Variants in MAB21L3 observed in about 807,000 individuals in gnomAD.
MAB21L3 encodes protein mab-21-like 3.
A neutral mutation model predicts 37.7 loss-of-function variants in MAB21L3; 36 were observed. That is an observed-to-expected ratio of 0.96 (90% confidence interval 0.73 to 1.26). MAB21L3 has a LOEUF of 1.26. Ranked by LOEUF, MAB21L3 falls within the 50% of genes most tolerant of loss-of-function variation. The pLI is 0.00. For missense variants in MAB21L3, 430 were observed against 447.3 expected (o/e 0.96, Z 0.35); for synonymous variants, 186 against 176.8 (o/e 1.05, Z -0.41).
chr1:116,127,580 A>G lies in MAB21L3; in HGVS notation c.596A>G (p.Lys199Arg), dbSNP rs769109111. Residue 199 changes from lysine (K) to arginine (R), a missense_variant, in exon 6 of 8, where the codon AAG becomes AGG. Physicochemically the swap from Lys to Arg is conservative, Grantham distance 26. Transcript: ENST00000369500. ...GTGGAGATCCCCACCACCTGGTCCAAGAAAGCCCGGTGGCCTCGATGTCTG... is the reference window on the plus strand; with the variant it reads ...GTGGAGATCCCCACCACCTGGTCCAGGAAAGCCCGGTGGCCTCGATGTCTG... ...PAVEIPTTWS[K>R]KARWPRCLQR... The G allele has an allele frequency of 3.1e-6, 5 of 1,614,180 alleles. No individual in the cohort carries two copies. In the South Asian group the frequency reaches 5.5e-5, roughly 18 times the overall value.
At chr1:116,121,158 C>T (rs1570805736) in intron 4 of MAB21L3, 86 bp downstream of exon 4, 2 of 1,317,242 alleles carry the variant, frequency 1.5e-6, no homozygotes, top group Admixed American at 2.0e-5. Flanking sequence ...AGATGCTTGC[C>T]TCACTCAGAA....
chr1:116,119,248 C>T (rs943690559), intron 3 of MAB21L3, among the ~76,000 whole-genome samples: 6 of 152,176 alleles, frequency 3.9e-5, no homozygotes, highest in Admixed American at 2.0e-4. Context: ...TGCTGTGTTC[C>T]AGCATGTAAC....
At chr1:116,115,432 G>C (rs1557927286) in intron 3 of MAB21L3, among the ~76,000 whole-genome samples, 1 of 152,298 alleles carries the variant, frequency 6.6e-6, no homozygotes, top group South Asian at 2.1e-4. Context: ...AGACAGAGAT[G>C]ATGCCAGTTT....
In MAB21L3 at chr1:116,120,957, C is replaced by T. The variant is rs1659731310; in HGVS notation, c.74C>T (p.Ser25Phe). 1 of 1,614,160 alleles carries T rather than the reference C, an allele frequency of 6.2e-7. No homozygotes were observed. Among genetic ancestry groups the T allele is most frequent in the African/African-American group, 1.3e-5 (1 of 75,054 alleles). Reference sequence around the variant, plus strand: ...GTGGACTTGAGGCGCCAGCAGATTTCCCAGGCTGTGGAGGAGGTGCAGAAA... The same window carrying T: ...GTGGACTTGAGGCGCCAGCAGATTTTCCAGGCTGTGGAGGAGGTGCAGAAA... ...NKVDLRRQQI[S>F]QAVEEVQKVV... is the part of the protein sequence containing the mutation. Residue 25 changes from serine to phenylalanine, a missense_variant, in exon 4 of 8, where the codon TCC (serine) becomes TTC (phenylalanine). Transcript: ENST00000369500.
intron 3 of MAB21L3, among the ~76,000 whole-genome samples, chr1:116,115,183 C>T (rs146438169): frequency 1.2e-3 from 184 of 152,298 alleles, no homozygotes; most frequent in African/African-American, 4.2e-3. Flanking sequence ...CAGGAATGAG[C>T]CTACTCTTAT....
At position 116,133,483 on chromosome 1, in the gene MAB21L3, G is replaced by A. The variant is rs574441727; in HGVS notation, c.*118G>A. On this transcript the variant is annotated 3_prime_UTR_variant, in exon 8 of 8. Coordinates refer to ENST00000369500, the MANE Select transcript of MAB21L3 (RefSeq NM_152367.3). ...TAGGAGAAAGGCCACGAATGGCAGC[G>A]GAAATTACATCAAACCAGAAACACT... is the stretch of plus-strand genomic sequence containing the variant. The A allele has an allele frequency of 7.5e-5, 65 of 863,900 alleles. No individual in the cohort carries two copies. The highest frequency in any genetic ancestry group is 3.4e-4 in the Middle Eastern group (1 of 2,902). The allele number at this position is 863,900 out of a possible 1,614,324, so 53.5% of individuals were successfully genotyped here. A position where few individuals can be genotyped will look rare whatever the true frequency, so the allele number is the denominator to read the frequency against.
At chr1:116,115,120 C>T (rs758491862) in intron 3 of MAB21L3, among the ~76,000 whole-genome samples, 5 of 152,108 alleles carry the variant, frequency 3.3e-5, no homozygotes, top group African/African-American at 7.2e-5. Context: ...TTGGTTTCCT[C>T]ATCTATAAAA....
At position 116,136,706 on chromosome 1, in the gene MAB21L3, A is replaced by C. The variant is rs1021520601; in HGVS notation, c.*3341A>C. On this transcript the variant is annotated 3_prime_UTR_variant, in exon 8 of 8. Transcript: ENST00000369500. ...AAAAGAACAAAGCTGGAGGCATCACACTACCTGACTTCAAACTATACTACA... is the reference window on the plus strand; with the variant it reads ...AAAAGAACAAAGCTGGAGGCATCACCCTACCTGACTTCAAACTATACTACA... 6.6e-6 allele frequency among the ~76,000 whole-genome samples: 1 copy of C among 152,118 alleles called. No individual in the cohort carries two copies.
Position 116,128,150 on chromosome 1 carries a change from T to G in MAB21L3, c.666T>G (p.Phe222Leu). The G allele has an allele frequency of 6.2e-7, 1 of 1,608,526 alleles. No homozygotes were observed. Residue 222 changes from phenylalanine (F) to leucine (L), a missense_variant, in exon 7 of 8, where the codon TTT (phenylalanine) becomes TTG (leucine). Physicochemically the swap from Phe to Leu is conservative, Grantham distance 22. Coordinates refer to ENST00000369500, the MANE Select transcript of MAB21L3 (RefSeq NM_152367.3). The part of the protein sequence containing the change: ...SQERVECIKS[F>L]GFNLLACSNY... ...TATTTTTCTCTTTCTTCCAGTCGTT[T>G]GGATTTAACTTGTTGGCCTGTTCAA...
chr1:116,114,641 C>A (rs1287365046), intron 3 of MAB21L3, among the ~76,000 whole-genome samples: 2 of 152,154 alleles, frequency 1.3e-5, no homozygotes, highest in African/African-American at 4.8e-5. Context: ...GAGATGTGGC[C>A]TGCTAAATGA....
In MAB21L3 at chr1:116,127,458, C is replaced by T; in HGVS notation, c.482-8C>T. ...CTTCTCCTTATCCATTTGGTCATTT[C>T]CCACCAGGTAAGGTCAGCCTGCTAG... is the stretch of plus-strand genomic sequence containing the variant. On this transcript the variant is annotated splice_region_variant and splice_polypyrimidine_tract_variant and intron_variant, in intron 5 of 7. Coordinates refer to ENST00000369500, the MANE Select transcript of MAB21L3 (RefSeq NM_152367.3). The T allele has an allele frequency of 1.2e-6, 2 of 1,611,456 alleles. No individual in the cohort carries two copies. Among genetic ancestry groups the T allele is most frequent in the Non-Finnish European group, 1.7e-6 (2 of 1,178,790 alleles).
chr1:116,114,652 A>G (rs761485681), intron 3 of MAB21L3, among the ~76,000 whole-genome samples: 3 of 152,192 alleles, frequency 2.0e-5, no homozygotes, highest in Non-Finnish European at 4.4e-5. Context: ...TGCTAAATGA[A>G]AGAGAAATTT....
rs1182748616 is a variant in MAB21L3 at position 116,134,744 on chromosome 1, G to C, written c.*1379G>C. 6.6e-6 allele frequency: 1 copy of C among 152,094 alleles called. No homozygotes were observed. The highest frequency in any genetic ancestry group is 1.9e-4 in the East Asian group (1 of 5,150). 9.4% of individuals were successfully genotyped at this position (152,094 alleles called of 1,614,324 possible). ...CAGGAGCTGGGCACTGAGTGCTCTTGAGCCACCCATTTGGAATTTCACAGA... is the reference window on the plus strand; with the variant it reads ...CAGGAGCTGGGCACTGAGTGCTCTTCAGCCACCCATTTGGAATTTCACAGA... On this transcript the variant is annotated 3_prime_UTR_variant, in exon 8 of 8. Coordinates refer to ENST00000369500, the MANE Select transcript of MAB21L3 (RefSeq NM_152367.3).
chr1:116,112,111 T>G (rs1659438627), intron 2 of MAB21L3, among the ~76,000 whole-genome samples: 1 of 152,104 alleles, frequency 6.6e-6, no homozygotes, highest in Non-Finnish European at 1.5e-5. Flanking sequence ...TTTTCTGGCT[T>G]GGAGAGCAAG....
intron 4 of MAB21L3, among the ~76,000 whole-genome samples, chr1:116,122,635 A>T (rs905699243): frequency 6.6e-6 from 1 of 152,196 alleles, no homozygotes; most frequent in African/African-American, 2.4e-5. Flanking sequence ...ATCATGGCTC[A>T]CTGCAGCCTC....
intron 4 of MAB21L3, among the ~76,000 whole-genome samples, chr1:116,123,203 G>A (rs1418767746): frequency 1.3e-5 from 2 of 152,184 alleles, no homozygotes; most frequent in Non-Finnish European, 2.9e-5. Flanking sequence ...TCTACCTCTC[G>A]GCTGCCGGTC....
chr1:116,127,612 T>A lies in MAB21L3; in HGVS notation c.628T>A (p.Trp210Arg). Residue 210 changes from tryptophan (W) to arginine (R), a missense_variant, in exon 6 of 8, where the codon TGG becomes AGG. By Grantham distance (101) the Trp-to-Arg change is moderately radical. Coordinates refer to ENST00000369500, the MANE Select transcript of MAB21L3 (RefSeq NM_152367.3). Reference sequence around the variant, plus strand: ...CCGGTGGCCTCGATGTCTGCAGCGCTGGCCTTCCCAAGAGAGAGTGGAGTG... The same window carrying A: ...CCGGTGGCCTCGATGTCTGCAGCGCAGGCCTTCCCAAGAGAGAGTGGAGTG... ...KARWPRCLQR[W>R]PSQERVECIK... The A allele has an allele frequency of 6.2e-7, 1 of 1,613,976 alleles. No individual in the cohort carries two copies. Among genetic ancestry groups the A allele is most frequent in the Non-Finnish European group, 8.5e-7 (1 of 1,179,974 alleles).
chr1:116,126,433 G>A (rs1260922556), intron 5 of MAB21L3, among the ~76,000 whole-genome samples: 1 of 152,182 alleles, frequency 6.6e-6, no homozygotes, highest in African/African-American at 2.4e-5. Context: ...TGAAACAGTG[G>A]CTGTGACGTG....
Position 116,128,235 on chromosome 1 carries a change from G to A in MAB21L3, c.751G>A (p.Glu251Lys). Reference protein sequence around the residue: ...AEQVLLEQLDEDGGCRRKCFQ... With the variant: ...AEQVLLEQLDKDGGCRRKCFQ... ...GCAGGTGTTACTGGAACAGCTGGAT[G>A]AAGATGGGGGCTGCCGTAGGAAGTG... The change falls in exon 7 of 8, where the codon GAA (glutamate) becomes AAA (lysine). Residue 251 changes from glutamate (E) to lysine (K), a missense_variant. Transcript: ENST00000369500. The A allele has an allele frequency of 6.2e-7, 1 of 1,613,956 alleles. No individual in the cohort carries two copies. Among genetic ancestry groups the A allele is most frequent in the East Asian group, 2.2e-5 (1 of 44,866 alleles).
Sources: allele counts gnomAD v4.1 joint callset (sites outside exome capture counted in the v4.1 genomes callset), GRCh38; gene constraint gnomAD v4.1.1; transcripts MANE v1.5; gene names NCBI Gene and HGNC (gene_info 2026-07-23, HGNC 2026-07-21).